Variants in TENM4 observed in about 807,000 individuals in gnomAD.
The protein encoded by TENM4 is teneurin transmembrane protein 4.
Under a neutral mutation model 243.3 loss-of-function variants are expected in TENM4, and 82 were observed. The ratio of observed to expected loss-of-function variants is 0.34; its 90% confidence interval spans 0.28 to 0.40. TENM4 has a LOEUF of 0.40. Ranked by LOEUF, TENM4 falls within the 10% of genes least tolerant of loss-of-function variation. The pLI is 1.00. For missense variants in TENM4, 3,138 were observed against 3,673.3 expected, an observed-to-expected ratio of 0.85 and a Z score of 3.77; for synonymous variants, 1,412 against 1,456.3, an observed-to-expected ratio of 0.97 and a Z score of 0.69.
At chr11:79,277,460 C>T (rs472167) in intron 2 of TENM4, among the ~76,000 whole-genome samples, 41,240 of 152,062 alleles carry the variant, frequency 0.27, 6,194 homozygotes, top group East Asian at 0.55. Context: ...AAGTAACTTG[C>T]CCCCTGACAA....
intron 4 of TENM4, among the ~76,000 whole-genome samples, chr11:79,081,333 C>T (rs551517344): frequency 1.3e-5 from 2 of 152,274 alleles, no homozygotes; most frequent in Admixed American, 6.5e-5. Context: ...ATGGCTTCTC[C>T]GGGTGCCATC....
At chr11:78,811,678 C>A (rs1156723023) in intron 14 of TENM4, among the ~76,000 whole-genome samples, 1 of 152,054 alleles carries the variant, frequency 6.6e-6, no homozygotes, top group East Asian at 1.9e-4. Flanking sequence ...TAAAAATGAG[C>A]AGATGAGCCT....
intron 4 of TENM4, chr11:79,097,004 T>C (rs1431576841): frequency 1.3e-5 from 2 of 151,558 alleles, no homozygotes; most frequent in Middle Eastern, 3.2e-3. Context: ...AACCTGATAA[T>C]AGCAACCACT....
At chr11:79,310,015 T>C (rs1174267200) in intron 1 of TENM4, among the ~76,000 whole-genome samples, 2 of 152,158 alleles carry the variant, frequency 1.3e-5, no homozygotes, top group Non-Finnish European at 2.9e-5. Flanking sequence ...CCTCAGCCCC[T>C]GTGTCTCTGG....
chr11:79,291,518 T>A (rs1251427187), intron 2 of TENM4, among the ~76,000 whole-genome samples: 1 of 151,896 alleles, frequency 6.6e-6, no homozygotes, highest in East Asian at 1.9e-4. Flanking sequence ...GAGAAGAGGA[T>A]CTGCAGGGTG....
chr11:78,899,562 G>GT (rs989502193), intron 7 of TENM4, among the ~76,000 whole-genome samples: 1 of 135,250 alleles, frequency 7.4e-6, no homozygotes, highest in African/African-American at 2.8e-5. Context: ...CAAAAAGCGG[G>GT]GGGGGGGGGA....
intron 6 of TENM4, among the ~76,000 whole-genome samples, chr11:78,966,169 T>C (rs1469068986): frequency 6.8e-6 from 1 of 146,998 alleles, no homozygotes; most frequent in Non-Finnish European, 1.5e-5. Flanking sequence ...GCACCTCCGT[T>C]TCTACACCTT....
At chr11:78,683,924 C>T (rs182402902) in intron 29 of TENM4, among the ~76,000 whole-genome samples, 1,529 of 152,356 alleles carry the variant, frequency 0.01, 18 homozygotes, top group Non-Finnish European at 0.013. Context: ...TCTCCTGTCT[C>T]TGGCCCTTCC....
Position 79,160,761 on chromosome 11 carries a change from C to T in TENM4, c.-162-11955G>A, listed in dbSNP as rs562006566. 6.6e-5 allele frequency among the ~76,000 whole-genome samples: 10 copies of T among 152,272 alleles called. No homozygotes were observed. In the East Asian group the frequency reaches 1.7e-3, roughly 26 times the overall value. ...TACCCTGTATCAGGTATTTCTCATA[C>T]TTTATTCTAGTTGTCCCTCAATGAT... is the stretch of plus-strand genomic sequence containing the variant. On this transcript the variant is annotated intron_variant, in intron 3 of 33. Coordinates refer to ENST00000278550, the MANE Select transcript of TENM4 (RefSeq NM_001098816.3).
intron 16 of TENM4, among the ~76,000 whole-genome samples, chr11:78,783,982 G>A (rs1856886528): frequency 6.6e-6 from 1 of 152,120 alleles, no homozygotes. Flanking sequence ...ATTCCTTCCT[G>A]TTTACGCAGG....
At chr11:79,144,226 G>A (rs1862350050) in intron 4 of TENM4, among the ~76,000 whole-genome samples, 1 of 152,026 alleles carries the variant, frequency 6.6e-6, no homozygotes, top group South Asian at 2.1e-4. Context: ...GATTATCAGA[G>A]AAAAGCAAAT....
chr11:79,169,722 C>T (rs890254435), intron 3 of TENM4, among the ~76,000 whole-genome samples: 6 of 152,190 alleles, frequency 3.9e-5, no homozygotes, highest in Non-Finnish European at 5.9e-5. Context: ...AAGACAAACA[C>T]TTATCAGTCA....
chr11:79,166,601 T>C (rs981623438), intron 3 of TENM4, among the ~76,000 whole-genome samples: 1 of 152,192 alleles, frequency 6.6e-6, no homozygotes, highest in African/African-American at 2.4e-5. Flanking sequence ...TAAAACCCTG[T>C]TATTTGCTTC....
chr11:78,707,821 A>T (rs1441939663), intron 27 of TENM4, among the ~76,000 whole-genome samples: 10 of 152,318 alleles, frequency 6.6e-5, no homozygotes, highest in Admixed American at 6.5e-4. Flanking sequence ...GCCGATGTGA[A>T]TTATTTCCAT....
intron 22 of TENM4, among the ~76,000 whole-genome samples, chr11:78,727,335 T>G (rs1855538826): frequency 6.6e-6 from 1 of 151,118 alleles, no homozygotes; most frequent in Non-Finnish European, 1.5e-5. Flanking sequence ...TAGTCCCAGC[T>G]ACTCGGGAGG....
At chr11:79,349,964 G>A (rs1372828050) in intron 1 of TENM4, among the ~76,000 whole-genome samples, 9 of 152,166 alleles carry the variant, frequency 5.9e-5, no homozygotes, top group African/African-American at 9.7e-5. Context: ...AGGAGAGTGC[G>A]TGGAGATCAA....
intron 3 of TENM4, among the ~76,000 whole-genome samples, chr11:79,176,191 A>C (rs1863154782): frequency 6.6e-6 from 1 of 152,200 alleles, no homozygotes; most frequent in Admixed American, 6.5e-5. Context: ...CAAACTGTTT[A>C]CTCAATGTAC....
intron 4 of TENM4, among the ~76,000 whole-genome samples, chr11:79,126,080 G>C (rs969990891): frequency 6.6e-5 from 10 of 152,172 alleles, no homozygotes. Context: ...TTGCAGCTTG[G>C]AGAATTAAAA....
chr11:79,205,695 AGTTCACT>A (rs1171438544), intron 3 of TENM4, among the ~76,000 whole-genome samples: 1 of 152,230 alleles, frequency 6.6e-6, no homozygotes, highest in Non-Finnish European at 1.5e-5. Context: ...AATGGACCAC[AGTTCACT>A]GTTCACCTGT....
Sources: allele counts gnomAD v4.1 joint callset (sites outside exome capture counted in the v4.1 genomes callset), GRCh38; gene constraint gnomAD v4.1.1; transcripts MANE v1.5; gene names NCBI Gene and HGNC (gene_info 2026-07-23, HGNC 2026-07-21).